Variants in TMEM259 observed in about 807,000 individuals in gnomAD.
TMEM259 encodes membralin.
In TMEM259, 26 loss-of-function variants were observed where a neutral mutation model predicts 46.7. That is an observed-to-expected ratio of 0.56 (90% CI 0.41 to 0.77). The LOEUF (loss-of-function observed/expected upper bound fraction) is 0.77, where lower values mean the gene tolerates loss of function less well. Ranked by LOEUF, TMEM259 falls within the 30% of genes least tolerant of loss-of-function variation. TMEM259 has a pLI of 0.00. For missense variants in TMEM259, 930 were observed against 900.5 expected, an observed-to-expected ratio of 1.03 and a Z score of -0.42; for synonymous variants, 494 against 395.1, an observed-to-expected ratio of 1.25 and a Z score of -2.97.
chr19:1,014,570 G>T, intron 1 of TMEM259, 97 bp from the exon 2 acceptor site: 1 of 1,370,614 alleles, frequency 7.3e-7, no homozygotes, highest in South Asian at 1.4e-5. Flanking sequence ...GCGCTGGGAC[G>T]CCCAGGACGG....
chr19:1,018,532 G>C (rs2039182978), intron 1 of TMEM259, among the ~76,000 whole-genome samples: 1 of 152,212 alleles, frequency 6.6e-6, no homozygotes, highest in Non-Finnish European at 1.5e-5. Context: ...GAGACCCCCG[G>C]AAGCCAGGCA....
At chr19:1,012,615 C>T (rs369871414) in intron 3 of TMEM259, 42 bp from the exon 4 acceptor site, 10 of 1,538,120 alleles carry the variant, frequency 6.5e-6, no homozygotes, top group African/African-American at 5.5e-5. Flanking sequence ...CCCCCACACA[C>T]GTCCCCCGCC....
rs1409743610 is a variant in TMEM259, at chr19:1,011,467, C to T, written c.1117G>A (p.Asp373Asn). The change falls in exon 9 of 11, where the codon GAC becomes AAC. Residue 373 changes from aspartate to asparagine, a missense_variant. Coordinates refer to ENST00000356663, the MANE Select transcript of TMEM259 (RefSeq NM_001033026.2). ...ATGATGTAGAAGGCGGTGGTGGTGTCGTTGAAGAACTCCGACATGATGGCC... is the reference window on the plus strand; with the variant it reads ...ATGATGTAGAAGGCGGTGGTGGTGTTGTTGAAGAACTCCGACATGATGGCC... ...MEAIMSEFFNDTTTAFYIILI... is the reference protein window; with the variant it reads ...MEAIMSEFFNNTTTAFYIILI... 3.9e-6 allele frequency: 6 copies of T among 1,552,044 alleles called. No homozygotes were observed. Among genetic ancestry groups the T allele is most frequent in the Middle Eastern group, 2.1e-4 (1 of 4,766 alleles).
chr19:1,015,804 C>A (rs1266903344), intron 1 of TMEM259, among the ~76,000 whole-genome samples: 2 of 152,208 alleles, frequency 1.3e-5, no homozygotes, highest in African/African-American at 4.8e-5. Flanking sequence ...ATAGGCAAGA[C>A]CACCAGGAGC....
In TMEM259 at chr19:1,020,633, G is replaced by A; in HGVS notation, c.225+139C>T. 1.9e-6 allele frequency: 1 copy of A among 521,904 alleles called. No individual in the cohort carries two copies. Among genetic ancestry groups the A allele is most frequent in the African/African-American group, 2.0e-5 (1 of 50,780 alleles). The allele number at this position is 521,904 out of a possible 1,614,324, so 32.3% of individuals were successfully genotyped here. A position where few individuals can be genotyped will look rare whatever the true frequency, so the allele number is the denominator to read the frequency against. ...AGGTCGCGAGGGAGAGCCCTAATCG[G>A]TAGGGCCGGGTATAGGCCTCAGGGT... On this transcript the variant is annotated intron_variant, in intron 1 of 10. Coordinates refer to ENST00000356663, the MANE Select transcript of TMEM259 (RefSeq NM_001033026.2). The surrounding 1 kb of genome is among the most constrained non-coding windows in gnomAD (Gnocchi z 4.0).
chr19:1,014,458 A>G lies in TMEM259; in HGVS notation c.241T>C (p.Phe81Leu). The change falls in exon 2 of 11, where the codon TTC becomes CTC. Residue 81 changes from phenylalanine to leucine, a missense_variant. Physicochemically the swap from Phe to Leu is conservative, Grantham distance 22. Transcript: ENST00000356663. Reference protein sequence around the residue: ...FVLLKALFVLFVLAYIHIVFS... With the variant: ...FVLLKALFVLLVLAYIHIVFS... ...ACGATGTGGATGTAGGCCAGGACGA[A>G]GAGCACAAACAGGGCCTAGGGGGCG... 2 of 1,610,258 alleles carry G rather than the reference A, an allele frequency of 1.2e-6. No individual in the cohort carries two copies. The highest frequency in any genetic ancestry group is 1.1e-5 in the South Asian group (1 of 90,962).
rs1263451544 is a variant in TMEM259 at position 1,016,145 on chromosome 19, C to T, written c.226-1672G>A. On this transcript the variant is annotated intron_variant, in intron 1 of 10. Coordinates refer to ENST00000356663, the MANE Select transcript of TMEM259 (RefSeq NM_001033026.2). ...AAGCAGAAACAGGCAAGAGCAGAACCCTGACCGCCAGGCATTCAGGCCCCG... is the reference window on the plus strand; with the variant it reads ...AAGCAGAAACAGGCAAGAGCAGAACTCTGACCGCCAGGCATTCAGGCCCCG... 2.6e-5 allele frequency among the ~76,000 whole-genome samples: 4 copies of T among 152,304 alleles called. No individual in the cohort carries two copies. The East Asian group carries it at 5.8e-4, about 22-fold the overall frequency.
At position 1,010,213 on chromosome 19, in the gene TMEM259, A is replaced by AC. The variant is rs1278233311; in HGVS notation, c.*136dup. On this transcript the variant is annotated 3_prime_UTR_variant, in exon 11 of 11. Transcript: ENST00000356663. ...GGGAGGAAAGCCGCCTTCCGGGCAA[A>AC]CCCCACGAAACCCTGAAAGCCCCCG... The AC allele has an allele frequency of 2.2e-5, 19 of 850,428 alleles. No individual in the cohort carries two copies. The highest frequency in any genetic ancestry group is 3.2e-5 in the Non-Finnish European group (19 of 594,768). The allele number at this position is 850,428 out of a possible 1,614,324, so 52.7% of individuals were successfully genotyped here.
Position 1,010,889 on chromosome 19 carries a change from T to C in TMEM259, c.1324A>G (p.Met442Val), listed in dbSNP as rs998750968. 2.6e-6 allele frequency: 4 copies of C among 1,544,202 alleles called. No homozygotes were observed. Among genetic ancestry groups the C allele is most frequent in the Non-Finnish European group, 3.5e-6 (4 of 1,141,542 alleles). ...TCGTAGTGGTGGAAGAAGTAGATCA[T>C]GGAATGCTGCGGGAGGGAGAGTGGG... ...VTSWLFIQHSMIYFFHHYELP... is the reference protein window; with the variant it reads ...VTSWLFIQHSVIYFFHHYELP... The change falls in exon 11 of 11, where the codon ATG becomes GTG. Residue 442 changes from methionine (M) to valine (V), a missense_variant. Coordinates refer to ENST00000356663, the MANE Select transcript of TMEM259 (RefSeq NM_001033026.2).
chr19:1,015,731 C>T (rs1327553481), intron 1 of TMEM259, among the ~76,000 whole-genome samples: 1 of 132,110 alleles, frequency 7.6e-6, no homozygotes, highest in East Asian at 2.6e-4. Flanking sequence ...CTCCGTGACC[C>T]GTGACCTGCT....
rs1013347441 is a variant in TMEM259, at chr19:1,011,659, G to A, written c.1005C>T (p.Asp335=). ...TGTTCATCTCCAGCATCTGCAGCAG[G>A]TCCACTGCGGGCACAGGGCGGCGGG... is the stretch of plus-strand genomic sequence containing the variant. The part of the protein sequence containing the change: ...SHHQIFVFIV[D]LLQMLEMNMA... The change falls in exon 8 of 11, where the codon GAC becomes GAT. Residue 335 remains aspartate (D), a synonymous_variant. Coordinates refer to ENST00000356663, the MANE Select transcript of TMEM259 (RefSeq NM_001033026.2). 1 of 1,545,724 alleles carries A rather than the reference G, an allele frequency of 6.5e-7. No homozygotes were observed. Among genetic ancestry groups the A allele is most frequent in the African/African-American group, 1.4e-5 (1 of 73,020 alleles).
At position 1,020,815 on chromosome 19, in the gene TMEM259, G is replaced by T; in HGVS notation, c.182C>A (p.Pro61Gln). ...KMAVTYSRLF[P>Q]PAFRRLFEFF... is the part of the protein sequence containing the mutation. Reference sequence around the variant, plus strand: ...CTCGAAGAGACGGCGGAAGGCGGGCGGGAAGAGCCGCGAATAGGTGACAGC... The same window carrying T: ...CTCGAAGAGACGGCGGAAGGCGGGCTGGAAGAGCCGCGAATAGGTGACAGC... Residue 61 changes from proline to glutamine, a missense_variant, in exon 1 of 11, where the codon CCG (proline) becomes CAG (glutamine). Coordinates refer to ENST00000356663, the MANE Select transcript of TMEM259 (RefSeq NM_001033026.2). The surrounding 1 kb of genome is among the most constrained non-coding windows in gnomAD (Gnocchi z 4.0). 7.3e-7 allele frequency: 1 copy of T among 1,366,776 alleles called. No individual in the cohort carries two copies. The highest frequency in any genetic ancestry group is 2.8e-5 in the East Asian group (1 of 35,116). The allele number at this position is 1,366,776 out of a possible 1,614,324, so 84.7% of individuals were successfully genotyped here.
intron 1 of TMEM259, among the ~76,000 whole-genome samples, chr19:1,016,259 A>T (rs2039109205): frequency 6.6e-6 from 1 of 152,092 alleles, no homozygotes; most frequent in South Asian, 2.1e-4. Flanking sequence ...GTCCTGGGGA[A>T]GACAGGGAGG....
At chr19:1,013,404 G>T in intron 2 of TMEM259, 64 bp from the exon 3 acceptor site, 2 of 1,521,344 alleles carry the variant, frequency 1.3e-6, no homozygotes, top group Non-Finnish European at 1.8e-6. Flanking sequence ...CCCAGCCTGA[G>T]GATACAGTCC....
rs2039244862 is a variant in TMEM259 at position 1,020,252 on chromosome 19, G to A, written c.225+520C>T. On this transcript the variant is annotated intron_variant, in intron 1 of 10. Transcript: ENST00000356663. This position sits in a 1 kb window ranked among gnomAD's most constrained non-coding sequence, Gnocchi z 4.0. ...ACAAGGAGGGAGAGAGGGGAGTGGG[G>A]AGTCGACTTCCAGGACAGGGGTTGG... Among the ~76,000 whole-genome samples, 1 of 152,050 alleles carries A rather than the reference G, an allele frequency of 6.6e-6. No individual in the cohort carries two copies. The highest frequency in any genetic ancestry group is 2.1e-4 in the South Asian group (1 of 4,826).
chr19:1,011,714 C>T (rs755490358), intron 7 of TMEM259, 27 bp downstream of exon 7: 1 of 1,533,216 alleles, frequency 6.5e-7, no homozygotes, highest in South Asian at 1.2e-5. Context: ...GGACGCCCGC[C>T]CCGCCCTGCG....
chr19:1,009,664 G>A lies in TMEM259; in HGVS notation c.*686C>T. ...ACAGCGCAGTGAGCCGCTGTCAACA[G>A]ACAGTTTATTCTATATACAAACACA... On this transcript the variant is annotated 3_prime_UTR_variant, in exon 11 of 11. Coordinates refer to ENST00000356663, the MANE Select transcript of TMEM259 (RefSeq NM_001033026.2). The A allele has an allele frequency of 1.6e-6, 2 of 1,271,964 alleles. No individual in the cohort carries two copies. The highest frequency in any genetic ancestry group is 2.0e-6 in the Non-Finnish European group (2 of 983,458). The allele number at this position is 1,271,964 out of a possible 1,614,324, so 78.8% of individuals were successfully genotyped here. A position where few individuals can be genotyped will look rare whatever the true frequency, so the allele number is the denominator to read the frequency against.
rs562056324 is a variant in TMEM259, at chr19:1,014,808, G to A, written c.226-335C>T. ...GCACCTCCTCAGGGGTGAGCCGGAC[G>A]AAGCCAGCAGGCCGGGGCCCTCTCA... On this transcript the variant is annotated intron_variant, in intron 1 of 10. Transcript: ENST00000356663. Among the ~76,000 whole-genome samples, 13 of 152,340 alleles carry A rather than the reference G, an allele frequency of 8.5e-5. No individual in the cohort carries two copies. The East Asian group carries it at 2.1e-3, about 25-fold the overall frequency.
chr19:1,013,200 G>A (rs1289297211), intron 3 of TMEM259, 41 bp downstream of exon 3: 57 of 1,578,912 alleles, frequency 3.6e-5, no homozygotes, highest in Non-Finnish European at 5.0e-5. Context: ...CCATGACTGA[G>A]GCAACCCCGT....
Sources: gnomAD v4.1 joint callset for allele counts (sites outside exome capture counted in the v4.1 genomes callset) on GRCh38, gnomAD v4.1.1 for gene constraint, Gnocchi (gnomAD v3.1) non-coding constraint, MANE v1.5 for transcripts, NCBI Gene and HGNC (gene_info 2026-07-23, HGNC 2026-07-21) for gene names.